KALRN: variants seen among roughly 807,000 people sequenced by gnomAD.
KALRN encodes the protein kalirin.
In KALRN, 70 loss-of-function variants were observed where a neutral mutation model predicts 353.7. The ratio of observed to expected loss-of-function variants is 0.20; its 90% CI spans 0.16 to 0.24. KALRN has a LOEUF of 0.24. KALRN is among the 10% of genes least tolerant of loss of function. The probability of loss-of-function intolerance (pLI) is 1.00; values close to 1 mark genes in which losing one functional copy is unlikely to be tolerated. For missense variants in KALRN, 2,791 were observed against 3,756.7 expected (o/e 0.74, Z 6.72); for synonymous variants, 1,391 against 1,434.8 (o/e 0.97, Z 0.69).
intron 1 of KALRN, among the ~76,000 whole-genome samples, chr3:124,203,982 G>T (rs2076180703): frequency 6.6e-6 from 1 of 152,184 alleles, no homozygotes; most frequent in Non-Finnish European, 1.5e-5. Flanking sequence ...GAGTTCCATA[G>T]GGTCCTCAAC....
At position 124,446,807 on chromosome 3, in the gene KALRN, A is replaced by C; in HGVS notation, c.3474A>C (p.Thr1158=). ...AAACAGGTGAATTTTACCTCTCAAC[A>C]CATACCTCCACTGGAGAGACCACAG... ...IQETGEFYLS[T]HTSTGETTEE... is the part of the protein sequence containing the mutation. Residue 1158 remains threonine, a synonymous_variant, in exon 21 of 60, where the codon ACA becomes ACC. Coordinates refer to ENST00000682506, the MANE Select transcript of KALRN (RefSeq NM_001388419.1). 6.2e-7 allele frequency: 1 copy of C among 1,614,018 alleles called. No homozygotes were observed. Among genetic ancestry groups the C allele is most frequent in the Non-Finnish European group, 8.5e-7 (1 of 1,179,934 alleles).
chr3:124,120,733 TA>T (rs1366158785), intron 1 of KALRN, among the ~76,000 whole-genome samples: 3 of 124,808 alleles, frequency 2.4e-5, no homozygotes, highest in African/African-American at 8.3e-5. Flanking sequence ...TATATATATA[TA>T]TATATATATA....
chr3:124,398,175 A>G (rs999031733), intron 12 of KALRN, among the ~76,000 whole-genome samples: 1 of 152,238 alleles, frequency 6.6e-6, no homozygotes, highest in African/African-American at 2.4e-5. Flanking sequence ...TAACTTTAGC[A>G]TAGCTTTATA....
chr3:124,479,969 C>T (rs1217554698), intron 27 of KALRN, among the ~76,000 whole-genome samples: 10 of 152,058 alleles, frequency 6.6e-5, no homozygotes, highest in Non-Finnish European at 1.5e-4. Context: ...GTGATCTACC[C>T]GCCTCGGCCT....
chr3:124,565,230 G>A (rs1202848716), intron 34 of KALRN, among the ~76,000 whole-genome samples: 5 of 152,072 alleles, frequency 3.3e-5, no homozygotes, highest in South Asian at 2.1e-4. Context: ...AATTCTCCTC[G>A]TGCCCTCCAC....
At chr3:124,312,504 A>T (rs546786798) in intron 6 of KALRN, among the ~76,000 whole-genome samples, 1 of 152,258 alleles carries the variant, frequency 6.6e-6, no homozygotes, top group South Asian at 2.1e-4. Flanking sequence ...GTATGTTGAA[A>T]AAAAAGAAAA....
chr3:124,518,629 G>C (rs369425080), intron 33 of KALRN: 7 of 1,490,606 alleles, frequency 4.7e-6, no homozygotes, highest in Non-Finnish European at 5.3e-6. Context: ...AAATCTCCCC[G>C]CCTGGGCCAT....
chr3:124,491,056 G>C (rs2063108022), intron 30 of KALRN, among the ~76,000 whole-genome samples, 172 bp downstream of exon 30: 2 of 152,116 alleles, frequency 1.3e-5, no homozygotes, highest in African/African-American at 4.8e-5. Flanking sequence ...TCCCACGTCT[G>C]CATTGTAGAG....
At chr3:124,265,298 CTTTTTT>C (rs3054177) in intron 4 of KALRN, among the ~76,000 whole-genome samples, 2 of 73,124 alleles carry the variant, frequency 2.7e-5, no homozygotes, top group Non-Finnish European at 5.4e-5. Context: ...AGAAAATATT[CTTTTTT>C]TTTTTTTTGA....
chr3:124,246,344 G>T (rs943919012), intron 3 of KALRN, among the ~76,000 whole-genome samples: 2 of 152,142 alleles, frequency 1.3e-5, no homozygotes, highest in Non-Finnish European at 2.9e-5. Flanking sequence ...CACAGGGCCT[G>T]CTCTGCAGGG....
intron 3 of KALRN, among the ~76,000 whole-genome samples, chr3:124,236,323 C>T (rs1231432019): frequency 6.6e-6 from 1 of 152,058 alleles, no homozygotes; most frequent in Non-Finnish European, 1.5e-5. Flanking sequence ...AAGAAATACT[C>T]TTATCTGTCT....
intron 3 of KALRN, among the ~76,000 whole-genome samples, chr3:124,241,131 C>A (rs1282984780): frequency 6.6e-6 from 1 of 152,160 alleles, no homozygotes; most frequent in East Asian, 1.9e-4. Context: ...ACCTAGGGCT[C>A]CTCCCCATTC....
intron 54 of KALRN, among the ~76,000 whole-genome samples, chr3:124,696,809 A>G (rs1483130845): frequency 6.6e-6 from 1 of 152,136 alleles, no homozygotes; most frequent in Non-Finnish European, 1.5e-5. Context: ...TCATCTTCCC[A>G]TCTTTCTGAA....
intron 56 of KALRN, among the ~76,000 whole-genome samples, chr3:124,701,670 C>G (rs1226794714): frequency 6.6e-6 from 1 of 152,172 alleles, no homozygotes. Context: ...TCCCTTCTCT[C>G]TCTGCATCCT....
At chr3:124,119,499 A>G (rs1045191379) in intron 1 of KALRN, among the ~76,000 whole-genome samples, 11 of 152,224 alleles carry the variant, frequency 7.2e-5, no homozygotes, top group Non-Finnish European at 1.2e-4. Context: ...TTTATTGAGG[A>G]AAATGAAGTC....
At chr3:124,415,613 T>C (rs2092453311) in intron 14 of KALRN, among the ~76,000 whole-genome samples, 2 of 152,188 alleles carry the variant, frequency 1.3e-5, no homozygotes, top group African/African-American at 4.8e-5. Context: ...TTCAATAGTC[T>C]AAGGGTCAAA....
chr3:124,421,824 A>G (rs2092796325), intron 14 of KALRN, among the ~76,000 whole-genome samples: 1 of 152,218 alleles, frequency 6.6e-6, no homozygotes, highest in East Asian at 1.9e-4. Context: ...GGCATGGTGA[A>G]GAGAGGAAGT....
intron 1 of KALRN, among the ~76,000 whole-genome samples, chr3:124,034,663 C>T (rs2039244529): frequency 6.6e-6 from 1 of 152,088 alleles, no homozygotes; most frequent in South Asian, 2.1e-4. Context: ...ACTGACCACC[C>T]TTATCTTCCA....
intron 57 of KALRN, among the ~76,000 whole-genome samples, chr3:124,710,113 A>C (rs1370801565): frequency 2.0e-5 from 3 of 152,254 alleles, no homozygotes; most frequent in Admixed American, 1.3e-4. Context: ...ATAAGTACAA[A>C]TTTTCAGATA....
Sources: gnomAD v4.1 joint callset for allele counts (sites outside exome capture counted in the v4.1 genomes callset) on GRCh38, gnomAD v4.1.1 for gene constraint, MANE v1.5 for transcripts, NCBI Gene and HGNC (gene_info 2026-07-23, HGNC 2026-07-21) for gene names.